Variants in GALNT2 observed in about 807,000 individuals in gnomAD.
The protein encoded by GALNT2 is polypeptide N-acetylgalactosaminyltransferase 2.
GALNT2 carries 31 observed loss-of-function variants against 81.4 expected under a neutral mutation model. The ratio of observed to expected loss-of-function variants is 0.38; its 90% CI spans 0.29 to 0.51. The LOEUF (loss-of-function observed/expected upper bound fraction) is 0.51. Among genes scored for constraint, GALNT2 ranks in the 20% least tolerant of loss-of-function variants. The probability of loss-of-function intolerance (pLI) is 0.87; values close to 1 mark genes in which losing one functional copy is unlikely to be tolerated. For synonymous variants in GALNT2, 303 were observed against 287.4 expected (o/e 1.05, Z -0.55); for missense variants, 629 against 765.7 (o/e 0.82, Z 2.11).
At chr1:230,238,088 A>G (rs1665087736) in intron 6 of GALNT2, among the ~76,000 whole-genome samples, 1 of 152,238 alleles carries the variant, frequency 6.6e-6, no homozygotes, top group African/African-American at 2.4e-5. Flanking sequence ...CCTATATGGA[A>G]CAGCTGAAGT....
At chr1:230,169,992 C>T (rs138848624) in intron 1 of GALNT2, among the ~76,000 whole-genome samples, 2 of 152,312 alleles carry the variant, frequency 1.3e-5, no homozygotes, top group Non-Finnish European at 2.9e-5. Context: ...GAAAAACCCC[C>T]AAGGCTGGGT....
chr1:230,136,419 C>A (rs1262304939), intron 1 of GALNT2, among the ~76,000 whole-genome samples: 1 of 152,154 alleles, frequency 6.6e-6, no homozygotes, highest in African/African-American at 2.4e-5. Context: ...GAATTGTACT[C>A]TTTAGACATC....
intron 1 of GALNT2, among the ~76,000 whole-genome samples, chr1:230,125,485 G>T (rs187070270): frequency 2.0e-5 from 3 of 152,230 alleles, no homozygotes; most frequent in Admixed American, 2.0e-4. Context: ...GGTTTACTGC[G>T]TTTGGATCGT....
At chr1:230,165,811 G>A (rs1308808672) in intron 1 of GALNT2, among the ~76,000 whole-genome samples, 1 of 152,228 alleles carries the variant, frequency 6.6e-6, no homozygotes, top group Non-Finnish European at 1.5e-5. Context: ...AGTAGCCAGA[G>A]CCCCTGGAGA....
chr1:230,248,774 T>G (rs1041430809), intron 8 of GALNT2, among the ~76,000 whole-genome samples: 1 of 152,196 alleles, frequency 6.6e-6, no homozygotes, highest in Non-Finnish European at 1.5e-5. Flanking sequence ...TGCCTTCCCC[T>G]GGGGCAGTGT....
At chr1:230,123,107 C>A (rs1224958293) in intron 1 of GALNT2, among the ~76,000 whole-genome samples, 2 of 152,162 alleles carry the variant, frequency 1.3e-5, no homozygotes, top group African/African-American at 4.8e-5. Flanking sequence ...TTATTTTCAG[C>A]GTTCAGAACA....
chr1:230,145,499 A>G (rs991906728), intron 1 of GALNT2, among the ~76,000 whole-genome samples: 1 of 152,244 alleles, frequency 6.6e-6, no homozygotes, highest in Non-Finnish European at 1.5e-5. Flanking sequence ...CACATACTGT[A>G]GGGATGGTTG....
chr1:230,262,621 C>A lies in GALNT2; in HGVS notation c.1185C>A (p.Phe395Leu), dbSNP rs754934176. The change falls in exon 12 of 16, where the codon TTC (phenylalanine) becomes TTA (leucine). Residue 395 changes from phenylalanine to leucine, a missense_variant. Around this residue, in one of 3 missense-constraint regions of GALNT2, gnomAD observed 207 missense variants for 225.5 expected, o/e 0.92. Transcript: ENST00000366672. ...TCTGGATGGATGAATACAAAAATTT[C>A]TATTATGCAGCAGTGCCTTCTGCTA... ...AEVWMDEYKN[F>L]YYAAVPSARN... 37 of 1,613,630 alleles carry A rather than the reference C, an allele frequency of 2.3e-5. No homozygotes were observed. Among genetic ancestry groups the A allele is most frequent in the Non-Finnish European group, 3.0e-5 (35 of 1,179,948 alleles).
At chr1:230,098,776 TA>T (rs1443588218) in intron 1 of GALNT2, among the ~76,000 whole-genome samples, 3 of 152,268 alleles carry the variant, frequency 2.0e-5, no homozygotes, top group African/African-American at 4.8e-5. Flanking sequence ...CCTTCTTGGA[TA>T]GGGGGTTAAT....
chr1:230,166,768 C>T (rs1484882928), intron 1 of GALNT2, among the ~76,000 whole-genome samples: 2 of 152,188 alleles, frequency 1.3e-5, no homozygotes, highest in African/African-American at 4.8e-5. Context: ...GAGAAGTCAA[C>T]TGAAGTTTGA....
rs1219225515 is a variant in GALNT2, at chr1:230,265,228, C to T, written c.1314-13C>T. ...TGTGCAGTGAAGCAGGTGATTCTCACGTTGTTTTTCAGGGTTCCAGACCAT... is the reference window on the plus strand; with the variant it reads ...TGTGCAGTGAAGCAGGTGATTCTCATGTTGTTTTTCAGGGTTCCAGACCAT... On this transcript the variant is annotated splice_polypyrimidine_tract_variant and intron_variant, in intron 13 of 15. Transcript: ENST00000366672. 2.5e-6 allele frequency: 4 copies of T among 1,614,120 alleles called. No individual in the cohort carries two copies. Among genetic ancestry groups the T allele is most frequent in the Non-Finnish European group, 2.5e-6 (3 of 1,179,988 alleles).
At chr1:230,084,611 A>G (rs1205101892) in intron 1 of GALNT2, among the ~76,000 whole-genome samples, 1 of 149,766 alleles carries the variant, frequency 6.7e-6, no homozygotes, top group Non-Finnish European at 1.5e-5. Flanking sequence ...CTCGGGGGAG[A>G]ATGGCTGAGA....
chr1:230,236,568 T>A, intron 5 of GALNT2, 92 bp from the exon 6 acceptor site: 1 of 1,441,854 alleles, frequency 6.9e-7, no homozygotes, highest in South Asian at 1.2e-5. Flanking sequence ...AAGGAGATAA[T>A]CGGCCCTTAG....
At chr1:230,191,029 T>G (rs908958436) in intron 2 of GALNT2, among the ~76,000 whole-genome samples, 3 of 152,236 alleles carry the variant, frequency 2.0e-5, no homozygotes, top group African/African-American at 4.8e-5. Context: ...ATTTTCTTAC[T>G]CTAGCCAACA....
upstream of GALNT2, among the ~76,000 whole-genome samples, chr1:230,062,535 G>A (rs1268869716): frequency 1.3e-5 from 2 of 152,088 alleles, no homozygotes; most frequent in Non-Finnish European, 2.9e-5. Context: ...TCAAGCCCCT[G>A]GTGACTGCCA....
chr1:230,257,867 G>T lies in GALNT2; in HGVS notation c.1136+2523G>T, dbSNP rs968266160. 5.9e-5 allele frequency among the ~76,000 whole-genome samples: 9 copies of T among 152,200 alleles called. No individual in the cohort carries two copies. Among genetic ancestry groups the T allele is most frequent in the African/African-American group, 2.2e-4 (9 of 41,450 alleles). ...CTGGCGTGCTGCCCCTACAGAAATA[G>T]GGAAAGCCTTGGGGTGGGTGTGGGT... On this transcript the variant is annotated intron_variant, in intron 11 of 15. Transcript: ENST00000366672. This position sits in a 1 kb window ranked among gnomAD's most constrained non-coding sequence, Gnocchi z 4.6.
At chr1:230,244,293 C>G (rs141851151) in intron 7 of GALNT2, among the ~76,000 whole-genome samples, 4 of 152,122 alleles carry the variant, frequency 2.6e-5, no homozygotes, top group African/African-American at 9.6e-5. Context: ...CTGTAATGCA[C>G]TTGTTATCTC....
chr1:230,137,335 G>T (rs1233638542), intron 1 of GALNT2, among the ~76,000 whole-genome samples: 1 of 152,194 alleles, frequency 6.6e-6, no homozygotes, highest in Non-Finnish European at 1.5e-5. Context: ...TATGGCCGAA[G>T]CCACTTCTGC....
At position 230,243,516 on chromosome 1, in the gene GALNT2, C is replaced by T; in HGVS notation, c.729+89C>T. Reference sequence around the variant, plus strand: ...AGCATGGTCCAGGGGAGGTGTAACGCAGGGAGTAGGGCGTCAGGGCTGGTA... The same window carrying T: ...AGCATGGTCCAGGGGAGGTGTAACGTAGGGAGTAGGGCGTCAGGGCTGGTA... On this transcript the variant is annotated intron_variant, in intron 7 of 15. Transcript: ENST00000366672. This position sits in a 1 kb window ranked among gnomAD's most constrained non-coding sequence, Gnocchi z 4.2. 6.6e-7 allele frequency: 1 copy of T among 1,511,470 alleles called. No homozygotes were observed. The highest frequency in any genetic ancestry group is 8.9e-7 in the Non-Finnish European group (1 of 1,129,608). 93.6% of individuals were successfully genotyped at this position (1,511,470 alleles called of 1,614,324 possible). A position where few individuals can be genotyped will look rare whatever the true frequency, so the allele number is the denominator to read the frequency against.
Sources: gnomAD v4.1 joint callset for allele counts (sites outside exome capture counted in the v4.1 genomes callset) on GRCh38, gnomAD v4.1.1 for gene constraint, gnomAD v4.1.1 regional missense constraint, Gnocchi (gnomAD v3.1) non-coding constraint, MANE v1.5 for transcripts, NCBI Gene and HGNC (gene_info 2026-07-23, HGNC 2026-07-21) for gene names.